Variants in TRPC1 observed in about 807,000 individuals in gnomAD.
TRPC1 encodes the protein short transient receptor potential channel 1.
A neutral mutation model predicts 88.2 loss-of-function variants in TRPC1; 42 were observed. The ratio of observed to expected loss-of-function variants is 0.48; its 90% CI spans 0.37 to 0.62. The LOEUF is 0.62. Among genes scored for constraint, TRPC1 ranks in the 20% least tolerant of loss-of-function variants. The probability of loss-of-function intolerance (pLI) is 0.00; values close to 1 mark genes in which losing one functional copy is unlikely to be tolerated. For missense variants in TRPC1, 699 were observed against 957.3 expected (o/e 0.73, Z 3.56); for synonymous variants, 288 against 331.8 (o/e 0.87, Z 1.43).
chr3:142,799,032 A>G (rs1425347916), intron 9 of TRPC1, among the ~76,000 whole-genome samples: 1 of 152,148 alleles, frequency 6.6e-6, no homozygotes, highest in Non-Finnish European at 1.5e-5. Context: ...CTAACACCTC[A>G]GTATTTTTAT....
intron 4 of TRPC1, among the ~76,000 whole-genome samples, chr3:142,749,742 A>G (rs1298662590): frequency 2.6e-5 from 4 of 152,238 alleles, no homozygotes; most frequent in Non-Finnish European, 5.9e-5. Context: ...CCAATGGAAC[A>G]GAACAGAGGC....
At chr3:142,765,415 C>G (rs1022294954) in intron 4 of TRPC1, among the ~76,000 whole-genome samples, 2 of 152,178 alleles carry the variant, frequency 1.3e-5, no homozygotes, top group Non-Finnish European at 2.9e-5. Context: ...TACCTGACTT[C>G]AAACTATACC....
At chr3:142,763,624 A>G (rs1221814718) in intron 4 of TRPC1, among the ~76,000 whole-genome samples, 1 of 152,024 alleles carries the variant, frequency 6.6e-6, no homozygotes. Context: ...TTCTTTATCC[A>G]TTAAGCCACA....
At chr3:142,726,678 T>C (rs571105653) in intron 1 of TRPC1, among the ~76,000 whole-genome samples, 5 of 152,328 alleles carry the variant, frequency 3.3e-5, no homozygotes, top group African/African-American at 1.2e-4. Context: ...CTTTGAGTTA[T>C]AGGAATATTC....
At chr3:142,782,172 GA>G (rs1211577587) in intron 6 of TRPC1, among the ~76,000 whole-genome samples, 1 of 151,650 alleles carries the variant, frequency 6.6e-6, no homozygotes, top group East Asian at 1.9e-4. Flanking sequence ...TCCTGTTTAG[GA>G]AAAAAAATCT....
chr3:142,779,071 TATAAA>T (rs1400181449), intron 5 of TRPC1, among the ~76,000 whole-genome samples: 1 of 152,206 alleles, frequency 6.6e-6, no homozygotes, highest in African/African-American at 2.4e-5. Flanking sequence ...GTCTGAGTTA[TATAAA>T]ATAAAACTTA....
At chr3:142,743,944 C>T (rs564632715) in intron 3 of TRPC1, among the ~76,000 whole-genome samples, 16 of 152,052 alleles carry the variant, frequency 1.1e-4, no homozygotes, top group Admixed American at 7.9e-4. Context: ...TTTAACTGAT[C>T]GTGAGTAGAA....
intron 2 of TRPC1, among the ~76,000 whole-genome samples, chr3:142,742,856 A>G (rs1400791425): frequency 2.6e-5 from 4 of 152,122 alleles, no homozygotes; most frequent in African/African-American, 9.7e-5. Flanking sequence ...TGAGCTATAG[A>G]CTGGGAGCAG....
At position 142,803,214 on chromosome 3, in the gene TRPC1, G is replaced by A. The variant is rs1578015366; in HGVS notation, c.1758-763G>A. On this transcript the variant is annotated intron_variant, in intron 10 of 12. Transcript: ENST00000476941. ...TCAGTTTTAACTAAGGAGCTAGGGA[G>A]TGCCCCAGAAGAGATGACATTCATG... 2.0e-5 allele frequency among the ~76,000 whole-genome samples: 3 copies of A among 152,278 alleles called. No individual in the cohort carries two copies. In the South Asian group the frequency reaches 6.2e-4, roughly 32 times the overall value.
At chr3:142,747,466 C>T (rs936839057) in intron 3 of TRPC1, among the ~76,000 whole-genome samples, 4 of 152,126 alleles carry the variant, frequency 2.6e-5, no homozygotes, top group South Asian at 4.1e-4. Context: ...CCCATGGACT[C>T]CTGTAGTGGA....
intron 3 of TRPC1, among the ~76,000 whole-genome samples, 155 bp from the exon 4 acceptor site, chr3:142,748,103 A>C (rs1199829276): frequency 2.0e-5 from 3 of 152,220 alleles, no homozygotes; most frequent in Non-Finnish European, 4.4e-5. Flanking sequence ...TTGAGGTTTC[A>C]AAGAAAAATT....
At chr3:142,791,250 G>A in intron 8 of TRPC1, 92 bp downstream of exon 8, 1 of 1,137,410 alleles carries the variant, frequency 8.8e-7, no homozygotes, top group East Asian at 2.5e-5. Flanking sequence ...GTTACATTGA[G>A]CCAGATCAGT....
intron 9 of TRPC1, among the ~76,000 whole-genome samples, chr3:142,798,570 A>C (rs1173335547): frequency 6.6e-6 from 1 of 152,192 alleles, no homozygotes; most frequent in Admixed American, 6.5e-5. Flanking sequence ...TAACACGCAG[A>C]AGCGTGGAGT....
At chr3:142,730,667 A>G (rs1933867586) in intron 1 of TRPC1, among the ~76,000 whole-genome samples, 1 of 150,004 alleles carries the variant, frequency 6.7e-6, no homozygotes, top group Non-Finnish European at 1.5e-5. Context: ...GATGTCAGTT[A>G]ACATTTTTAT....
intron 9 of TRPC1, chr3:142,793,936 A>C: frequency 8.2e-6 from 8 of 972,492 alleles, no homozygotes; most frequent in Non-Finnish European, 8.6e-6. Flanking sequence ...CTCTTAACCA[A>C]GTCCTGTGAG....
intron 1 of TRPC1, among the ~76,000 whole-genome samples, chr3:142,730,570 A>G (rs1157480393): frequency 6.8e-6 from 1 of 147,752 alleles, no homozygotes; most frequent in Admixed American, 6.7e-5. Context: ...ATAAAGCTAC[A>G]TTTTAAATCA....
Position 142,805,102 on chromosome 3 carries a change from G to GAACA in TRPC1, c.2154+487_2154+490dup, listed in dbSNP as rs549588783. Among the ~76,000 whole-genome samples, 1,040 of 144,810 alleles carry GAACA rather than the reference G, an allele frequency of 7.2e-3. 17 individuals carry two copies. The highest frequency in any genetic ancestry group is 6.1e-3 in the Non-Finnish European group (407 of 66,524). On this transcript the variant is annotated intron_variant, in intron 12 of 12. Transcript: ENST00000476941. ...GGTGACAGAGCGAGACTCCACCTCAGAACAAACAAACAAACAAATATATAT... is the reference window on the plus strand; with the variant it reads ...GGTGACAGAGCGAGACTCCACCTCAGAACAAACAAACAAACAAACAAATATATAT...
chr3:142,734,141 C>A (rs1166052326), intron 1 of TRPC1, among the ~76,000 whole-genome samples: 1 of 152,182 alleles, frequency 6.6e-6, no homozygotes, highest in African/African-American at 2.4e-5. Context: ...AAAAATAAGA[C>A]TCCTTTAAGA....
At chr3:142,727,257 G>A (rs1474788677) in intron 1 of TRPC1, among the ~76,000 whole-genome samples, 3 of 152,134 alleles carry the variant, frequency 2.0e-5, no homozygotes, top group Non-Finnish European at 4.4e-5. Flanking sequence ...GAGTATCTAT[G>A]GTGTTCTAGA....
Sources: gnomAD v4.1 joint callset for allele counts (sites outside exome capture counted in the v4.1 genomes callset) on GRCh38, gnomAD v4.1.1 for gene constraint, MANE v1.5 for transcripts, NCBI Gene and HGNC (gene_info 2026-07-23, HGNC 2026-07-21) for gene names.